The following MORN3 variants were observed in gnomAD, a reference collection of about 807,000 sequenced individuals.
MORN3 encodes MORN repeat-containing protein 3.
In MORN3, 38 loss-of-function variants were observed where a neutral mutation model predicts 34.7. The observed-to-expected ratio is 1.10, with a 90% confidence interval of 0.85 to 1.44. MORN3 has a LOEUF of 1.44. MORN3 is among the 40% of genes most tolerant of loss of function. MORN3 has a pLI of 0.00. For missense variants in MORN3, 311 were observed against 321.7 expected (o/e 0.97, Z 0.25); for synonymous variants, 109 against 115.3 (o/e 0.95, Z 0.35).
Position 121,659,137 on chromosome 12 carries a change from GCACACACA to G in MORN3, c.303+46_303+53del, listed in dbSNP as rs57639477. 2,363 of 1,473,584 alleles carry G rather than the reference GCACACACA, an allele frequency of 1.6e-3. 4 individuals are homozygous for G. The highest frequency in any genetic ancestry group is 2.0e-3 in the Admixed American group (103 of 52,734). 91.3% of individuals were successfully genotyped at this position (1,473,584 alleles called of 1,614,324 possible). A position where few individuals can be genotyped will look rare whatever the true frequency, so the allele number is the denominator to read the frequency against. On this transcript the variant is annotated intron_variant, in intron 2 of 5. Coordinates refer to ENST00000355329, the MANE Select transcript of MORN3 (RefSeq NM_173855.5). ...CGGCTTCCCCTAAACACACACGCGC[GCACACACA>G]CACACACACACACACACACACACCC...
Position 121,654,289 on chromosome 12 carries a change from C to T in MORN3, c.448G>A (p.Gly150Ser). The T allele has an allele frequency of 6.3e-7, 1 of 1,586,702 alleles. No individual in the cohort carries two copies. Among genetic ancestry groups the T allele is most frequent in the East Asian group, 2.3e-5 (1 of 44,008 alleles). Residue 150 changes from glycine (G) to serine (S), a missense_variant, in exon 3 of 6, where the codon GGC becomes AGC. Physicochemically the swap from Gly to Ser is moderately conservative, Grantham distance 56. Coordinates refer to ENST00000355329, the MANE Select transcript of MORN3 (RefSeq NM_173855.5). Reference sequence around the variant, plus strand: ...GGGCACTCACTCAGGCGCAGCATGCCCTCCCCGTTGGGCTTGTCGTTCTCC... The same window carrying T: ...GGGCACTCACTCAGGCGCAGCATGCTCTCCCCGTTGGGCTTGTCGTTCTCC... ...QWENDKPNGEGMLRLKNGNRY... is the reference protein window; with the variant it reads ...QWENDKPNGESMLRLKNGNRY...
rs553578099 is a variant in MORN3 at position 121,666,596 on chromosome 12, T to C, written c.145+2743A>G. Among the ~76,000 whole-genome samples the C allele has an allele frequency of 7.9e-5, 12 of 152,064 alleles. No homozygotes were observed. In the South Asian group the frequency reaches 2.3e-3, roughly 29 times the overall value. On this transcript the variant is annotated intron_variant, in intron 1 of 5. Transcript: ENST00000355329. The stretch of plus-strand genomic sequence containing the variant: ...CATGTGTATCATGCAGAGGTATACT[T>C]GCAGGAGGAGAGAAAAAAGGCCAGC...
chr12:121,672,183 G>T (rs1893986701), upstream of MORN3, among the ~76,000 whole-genome samples: 1 of 152,094 alleles, frequency 6.6e-6, no homozygotes, highest in South Asian at 2.1e-4. Flanking sequence ...CGGCCTGGCG[G>T]CATGGGGGCT....
intron 2 of MORN3, among the ~76,000 whole-genome samples, chr12:121,657,684 A>G (rs1232375427): frequency 6.6e-6 from 1 of 152,036 alleles, no homozygotes; most frequent in Non-Finnish European, 1.5e-5. Flanking sequence ...CCTGGCCAAT[A>G]TGGAGAAACT....
intron 1 of MORN3, among the ~76,000 whole-genome samples, chr12:121,663,548 T>C (rs149869963): frequency 7.2e-5 from 11 of 152,244 alleles, no homozygotes; most frequent in African/African-American, 2.4e-4. Context: ...CTTAAGTATA[T>C]ACAATTTTTC....
At chr12:121,663,869 G>T (rs1209135611) in intron 1 of MORN3, among the ~76,000 whole-genome samples, 1 of 151,994 alleles carries the variant, frequency 6.6e-6, no homozygotes, top group African/African-American at 2.4e-5. Context: ...GGGGCTGTTG[G>T]GTTGTTTGCG....
chr12:121,664,911 A>G (rs532904189), intron 1 of MORN3, among the ~76,000 whole-genome samples: 97 of 142,512 alleles, frequency 6.8e-4, no homozygotes, highest in African/African-American at 2.4e-3. Context: ...GCTCATGACT[A>G]TGCCTTCCGT....
At chr12:121,657,897 T>A (rs7972435) in intron 2 of MORN3, among the ~76,000 whole-genome samples, 3,848 of 151,992 alleles carry the variant, frequency 0.025, 181 homozygotes, top group African/African-American at 0.087. Flanking sequence ...ATAATAATAA[T>A]AAAACTCAGG....
chr12:121,661,330 T>C (rs1210416879), intron 1 of MORN3, among the ~76,000 whole-genome samples: 1 of 152,120 alleles, frequency 6.6e-6, no homozygotes, highest in African/African-American at 2.4e-5. Context: ...CTAAAGAGAT[T>C]CTCCCTTCTC....
intron 2 of MORN3, among the ~76,000 whole-genome samples, chr12:121,657,507 C>A (rs1893446710): frequency 6.6e-6 from 1 of 151,914 alleles, no homozygotes; most frequent in South Asian, 2.1e-4. Context: ...TTACTCTTTC[C>A]CCCACCCACC....
intron 1 of MORN3, among the ~76,000 whole-genome samples, chr12:121,666,151 GA>G (rs1235075357): frequency 6.6e-6 from 1 of 152,100 alleles, no homozygotes; most frequent in Non-Finnish European, 1.5e-5. Flanking sequence ...CCAACATGGT[GA>G]ATCCGTGTCT....
upstream of MORN3, among the ~76,000 whole-genome samples, chr12:121,672,081 T>G (rs756280165): frequency 2.0e-5 from 3 of 152,102 alleles, no homozygotes; most frequent in Non-Finnish European, 4.4e-5. Context: ...GAACATAGGT[T>G]CTACTCCGGA....
In MORN3 at chr12:121,659,358, C is replaced by A. The variant is rs1276288398; in HGVS notation, c.146-10G>T. The A allele has an allele frequency of 6.2e-7, 1 of 1,613,142 alleles. No homozygotes were observed. The highest frequency in any genetic ancestry group is 8.5e-7 in the Non-Finnish European group (1 of 1,179,516). ...ACCTGTGTTCCTTTCCCTGGTGACA[C>A]ACAGATGGGCAATGCTGCAGACATG... On this transcript the variant is annotated splice_polypyrimidine_tract_variant and intron_variant, in intron 1 of 5. Transcript: ENST00000355329.
Position 121,649,955 on chromosome 12 carries a change from T to C in MORN3, c.*1696A>G, listed in dbSNP as rs1394827140. On this transcript the variant is annotated 3_prime_UTR_variant, in exon 6 of 6. Coordinates refer to ENST00000355329, the MANE Select transcript of MORN3 (RefSeq NM_173855.5). Reference sequence around the variant, plus strand: ...CACTCAATGCCAGTAGCCTTCTTCCTGCCTGTTGTGACATCAAAAATGTCA... The same window carrying C: ...CACTCAATGCCAGTAGCCTTCTTCCCGCCTGTTGTGACATCAAAAATGTCA... 6.6e-6 allele frequency: 1 copy of C among 151,116 alleles called. No homozygotes were observed. Among genetic ancestry groups the C allele is most frequent in the Non-Finnish European group, 1.5e-5 (1 of 67,906 alleles). 9.4% of individuals were successfully genotyped at this position (151,116 alleles called of 1,614,324 possible).
intron 3 of MORN3, among the ~76,000 whole-genome samples, 158 bp from the exon 4 acceptor site, chr12:121,653,417 A>G (rs1893311259): frequency 1.3e-5 from 2 of 152,046 alleles, no homozygotes; most frequent in Non-Finnish European, 2.9e-5. Context: ...TGAGCAACAT[A>G]GTGAGACCAC....
chr12:121,664,124 T>C (rs1486046634), intron 1 of MORN3, among the ~76,000 whole-genome samples: 1 of 152,092 alleles, frequency 6.6e-6, no homozygotes, highest in Non-Finnish European at 1.5e-5. Context: ...GGGAGGAAGC[T>C]GACTTAAGAA....
At position 121,659,175 on chromosome 12, in the gene MORN3, T is replaced by C; in HGVS notation, c.303+16A>G. On this transcript the variant is annotated intron_variant, in intron 2 of 5. Transcript: ENST00000355329. ...CACACACACACACACACACCCCGGC[T>C]GGCAGGCCTGCTCACCGATTTCTTA... The C allele has an allele frequency of 6.3e-7, 1 of 1,593,516 alleles. No homozygotes were observed. Among genetic ancestry groups the C allele is most frequent in the Non-Finnish European group, 8.6e-7 (1 of 1,167,126 alleles).
intron 1 of MORN3, among the ~76,000 whole-genome samples, chr12:121,665,263 TTTTC>T (rs1385815329): frequency 2.7e-5 from 4 of 147,470 alleles, no homozygotes; most frequent in African/African-American, 9.9e-5. Flanking sequence ...AGATCTCGCG[TTTTC>T]TTTTTCTTTC....
At chr12:121,658,543 G>A (rs1893479842) in intron 2 of MORN3, among the ~76,000 whole-genome samples, 1 of 147,628 alleles carries the variant, frequency 6.8e-6, no homozygotes, top group Admixed American at 6.8e-5. Context: ...TCCAGCCTGG[G>A]CGGCAGGATG....
Sources: allele counts gnomAD v4.1 joint callset (sites outside exome capture counted in the v4.1 genomes callset), GRCh38; gene constraint gnomAD v4.1.1; transcripts MANE v1.5; gene names NCBI Gene and HGNC (gene_info 2026-07-23, HGNC 2026-07-21).